NTRK2: variants seen among roughly 807,000 people sequenced by gnomAD.
NTRK2 encodes the protein neurotrophic receptor tyrosine kinase 2.
NTRK2 carries 13 observed loss-of-function variants against 94.5 expected under a neutral mutation model. That is an observed-to-expected ratio of 0.14 (90% confidence interval 0.09 to 0.22). The LOEUF is 0.22. Among genes scored for constraint, NTRK2 ranks in the 10% least tolerant of loss-of-function variants. The pLI is 1.00. For synonymous variants in NTRK2, 372 were observed against 407.4 expected (o/e 0.91, Z 1.05); for missense variants, 639 against 1,071.2 (o/e 0.60, Z 5.63).
At chr9:84,814,639 C>G in intron 12 of NTRK2, 1 of 1,065,566 alleles carries the variant, frequency 9.4e-7, no homozygotes. Flanking sequence ...TTGGTGCTAG[C>G]TGTCTAGAAC....
chr9:85,004,799 C>T (rs1203587283), intron 17 of NTRK2, among the ~76,000 whole-genome samples: 1 of 152,178 alleles, frequency 6.6e-6, no homozygotes, highest in Admixed American at 6.5e-5. Flanking sequence ...AGGGTGACCG[C>T]CTTAGCAGTG....
At chr9:84,753,256 T>C (rs2064797121) in intron 12 of NTRK2, among the ~76,000 whole-genome samples, 1 of 152,022 alleles carries the variant, frequency 6.6e-6, no homozygotes, top group African/African-American at 2.4e-5. Flanking sequence ...ATTCTCCAAT[T>C]ATAAATAAAG....
intron 12 of NTRK2, among the ~76,000 whole-genome samples, chr9:84,758,528 A>T (rs1351565365): frequency 3.3e-5 from 5 of 152,062 alleles, no homozygotes; most frequent in Non-Finnish European, 7.4e-5. Context: ...AGTAGCTGGG[A>T]TTACAGGCGT....
At chr9:84,687,062 A>C (rs1240870635) in intron 2 of NTRK2, among the ~76,000 whole-genome samples, 1 of 152,174 alleles carries the variant, frequency 6.6e-6, no homozygotes, top group Non-Finnish European at 1.5e-5. Flanking sequence ...ATGAATGGGA[A>C]TTATGTATTT....
intron 17 of NTRK2, among the ~76,000 whole-genome samples, chr9:84,993,811 G>T (rs867722638): frequency 1.3e-5 from 2 of 152,012 alleles, no homozygotes; most frequent in Admixed American, 6.6e-5. Flanking sequence ...CTCTCCTGTC[G>T]CAGGACCTTT....
Position 84,869,737 on chromosome 9 carries a change from G to A in NTRK2, c.1633+2306G>A, listed in dbSNP as rs78499974. 2.2e-4 allele frequency among the ~76,000 whole-genome samples: 33 copies of A among 151,956 alleles called. No individual in the cohort carries two copies. In the East Asian group the frequency reaches 4.8e-3, roughly 22 times the overall value. ...CAGGACGTGGTGTACCTTTGATGTCGGCCACATGTTGACCAGATGTAGCTT... is the reference window on the plus strand; with the variant it reads ...CAGGACGTGGTGTACCTTTGATGTCAGCCACATGTTGACCAGATGTAGCTT... On this transcript the variant is annotated intron_variant, in intron 14 of 18. Coordinates refer to ENST00000277120, the MANE Select transcript of NTRK2 (RefSeq NM_006180.6).
intron 12 of NTRK2, among the ~76,000 whole-genome samples, chr9:84,776,772 T>TC (rs1482757684): frequency 6.6e-6 from 1 of 152,176 alleles, no homozygotes; most frequent in Non-Finnish European, 1.5e-5. Context: ...ATTCTCTGGA[T>TC]TGTGTTATAG....
chr9:85,021,165 C>CTCTCTT, intron 18 of NTRK2, 87 bp from the exon 19 acceptor site: 1 of 1,180,414 alleles, frequency 8.5e-7, no homozygotes, highest in Non-Finnish European at 1.2e-6. Flanking sequence ...TGTAAAAGCC[C>CTCTCTT]TCTCTTCTGC....
At chr9:84,781,024 A>G (rs549545733) in intron 12 of NTRK2, among the ~76,000 whole-genome samples, 27 of 152,196 alleles carry the variant, frequency 1.8e-4, no homozygotes, top group African/African-American at 6.5e-4. Context: ...AATTTTTTTT[A>G]TACAAAAGAC....
At chr9:84,873,303 T>C (rs2075938620) in intron 14 of NTRK2, 3 of 1,059,128 alleles carry the variant, frequency 2.8e-6, no homozygotes, top group Admixed American at 5.4e-5. Flanking sequence ...TGGAAGGCCA[T>C]GGCCTGCACT....
rs556857171 is a variant in NTRK2 at position 84,681,593 on chromosome 9, G to C, written c.212+10633G>C. On this transcript the variant is annotated intron_variant, in intron 2 of 18. Coordinates refer to ENST00000277120, the MANE Select transcript of NTRK2 (RefSeq NM_006180.6). ...GGGATGGGGAACAAACATCTAATAA[G>C]TACTTAACATAAAAACAATATAATT... 5.9e-5 allele frequency among the ~76,000 whole-genome samples: 9 copies of C among 152,150 alleles called. No homozygotes were observed. The South Asian group carries it at 1.9e-3, about 32-fold the overall frequency.
intron 13 of NTRK2, among the ~76,000 whole-genome samples, chr9:84,864,607 G>A (rs780308873): frequency 4.6e-5 from 7 of 152,270 alleles, no homozygotes; most frequent in African/African-American, 7.2e-5. Flanking sequence ...TTCAGGGAGC[G>A]CAGGCAGTAG....
intron 17 of NTRK2, among the ~76,000 whole-genome samples, chr9:85,000,291 G>A (rs1477719536): frequency 2.6e-5 from 4 of 152,074 alleles, no homozygotes; most frequent in Non-Finnish European, 5.9e-5. Context: ...CACTCTTGAT[G>A]TGCTTTCTAT....
intron 12 of NTRK2, among the ~76,000 whole-genome samples, chr9:84,800,225 T>C (rs1187285): frequency 0.84 from 127,658 of 151,472 alleles, 53,956 homozygotes; most frequent in East Asian, 0.91. Context: ...TTTTTTGAGA[T>C]GGAGTCTCGC....
intron 12 of NTRK2, among the ~76,000 whole-genome samples, chr9:84,776,922 C>T (rs996786633): frequency 6.6e-6 from 1 of 152,186 alleles, no homozygotes; most frequent in Non-Finnish European, 1.5e-5. Context: ...AAACAAAGGG[C>T]AGTCAGTACC....
rs200204781 is a variant in NTRK2 at position 84,877,785 on chromosome 9, A to G, written c.1633+10354A>G. On this transcript the variant is annotated intron_variant, in intron 14 of 18. Transcript: ENST00000277120. The stretch of plus-strand genomic sequence containing the variant: ...TGTATGAGTGACCAATGGAGCTTGG[A>G]ATTCTTTATCTATATGATCTGTCCG... 3.6e-4 allele frequency: 383 copies of G among 1,053,604 alleles called. 2 individuals are homozygous for G. Among genetic ancestry groups the G allele is most frequent in the Non-Finnish European group, 3.5e-4 (305 of 872,010 alleles). 65.3% of individuals were successfully genotyped at this position (1,053,604 alleles called of 1,614,324 possible).
intron 4 of NTRK2, 27 bp downstream of exon 4, chr9:84,702,446 C>G: frequency 6.3e-7 from 1 of 1,579,388 alleles, no homozygotes. Context: ...TCTTTTGCTT[C>G]CCAGGACCCA....
chr9:84,889,054 G>T (rs1201316897), intron 14 of NTRK2, among the ~76,000 whole-genome samples: 6 of 134,012 alleles, frequency 4.5e-5, no homozygotes, highest in African/African-American at 8.6e-5. Context: ...GCAGTGGCGC[G>T]ATCTCGGCTC....
chr9:84,976,324 A>G (rs1305604653), intron 17 of NTRK2, among the ~76,000 whole-genome samples: 1 of 152,080 alleles, frequency 6.6e-6, no homozygotes, highest in Non-Finnish European at 1.5e-5. Context: ...TTCCTCTTTT[A>G]TAAGGACACA....
Sources: allele counts gnomAD v4.1 joint callset (sites outside exome capture counted in the v4.1 genomes callset), GRCh38; gene constraint gnomAD v4.1.1; transcripts MANE v1.5; gene names NCBI Gene and HGNC (gene_info 2026-07-23, HGNC 2026-07-21).